The following RPAP1 variants were observed in gnomAD, a reference collection of about 807,000 sequenced individuals.
RPAP1 encodes the protein RNA polymerase II-associated protein 1.
In RPAP1, 109 loss-of-function variants were observed where a neutral mutation model predicts 142.4. That is an observed-to-expected ratio of 0.77 (90% CI 0.66 to 0.90). The LOEUF (loss-of-function observed/expected upper bound fraction) is 0.90. RPAP1 is among the 40% of genes least tolerant of loss of function. RPAP1 has a pLI of 0.00. For synonymous variants in RPAP1, 704 were observed against 738.9 expected (o/e 0.95, Z 0.77); for missense variants, 1,546 against 1,751.7 (o/e 0.88, Z 2.10).
At position 41,534,874 on chromosome 15, in the gene RPAP1, G is replaced by T. The variant is rs746013280; in HGVS notation, c.603C>A (p.Ser201Arg). The T allele has an allele frequency of 1.2e-6, 2 of 1,614,110 alleles. No individual in the cohort carries two copies. Among genetic ancestry groups the T allele is most frequent in the African/African-American group, 2.7e-5 (2 of 74,940 alleles). ...CCAGATTGGGTCCCTGAAAGCTGTG[G>T]CTGCTCCCAGGAAGCTGGCAGCCCT... ...RNQGCQLPGS[S>R]HSFQGPNLVT... Residue 201 changes from serine to arginine, a missense_variant, in exon 6 of 25, where the codon AGC becomes AGA. This residue lies in a region of RPAP1 where 1,333 missense variants were observed against 1,486.6 expected (regional missense o/e 0.90). Coordinates refer to ENST00000304330, the MANE Select transcript of RPAP1 (RefSeq NM_015540.4).
chr15:41,520,247 TTTCATTGA>T (rs1351158056), intron 22 of RPAP1, 136 bp downstream of exon 22: 1 of 906,000 alleles, frequency 1.1e-6, no homozygotes, highest in African/African-American at 1.7e-5. Context: ...GTTAAGCCCT[TTTCATTGA>T]TTCTCTTAAT....
chr15:41,534,850 C>T lies in RPAP1; in HGVS notation c.627G>A (p.Leu209=), dbSNP rs1367018884. The part of the protein sequence containing the change: ...GSSHSFQGPN[L]VTGKGLRDQE... Reference sequence around the variant, plus strand: ...GATCCCTGAGCCCCTTCCCTGTGACCAGATTGGGTCCCTGAAAGCTGTGGC... The same window carrying T: ...GATCCCTGAGCCCCTTCCCTGTGACTAGATTGGGTCCCTGAAAGCTGTGGC... Residue 209 remains leucine, a synonymous_variant, in exon 6 of 25, where the codon CTG becomes CTA. Transcript: ENST00000304330. 1 of 1,614,052 alleles carries T rather than the reference C, an allele frequency of 6.2e-7. No homozygotes were observed. Among genetic ancestry groups the T allele is most frequent in the African/African-American group, 1.3e-5 (1 of 74,906 alleles).
rs370486574 is a variant in RPAP1, at chr15:41,537,175, C to T, written c.-50G>A. The stretch of plus-strand genomic sequence containing the variant: ...GTACGACTCTCTCCAGCAGTGTCTC[C>T]GTGTGGGGGTTCCCTCTTATTCATC... On this transcript the variant is annotated 5_prime_UTR_variant, in exon 2 of 25. Coordinates refer to ENST00000304330, the MANE Select transcript of RPAP1 (RefSeq NM_015540.4). 9.2e-5 allele frequency: 143 copies of T among 1,559,804 alleles called. No individual in the cohort carries two copies. Among genetic ancestry groups the T allele is most frequent in the Admixed American group, 1.2e-4 (6 of 51,664 alleles).
chr15:41,535,567 A>T lies in RPAP1; in HGVS notation c.486T>A (p.Ala162=). 4 of 1,614,096 alleles carry T rather than the reference A, an allele frequency of 2.5e-6. No individual in the cohort carries two copies. Among genetic ancestry groups the T allele is most frequent in the Middle Eastern group, 1.7e-4 (1 of 6,056 alleles). Residue 162 remains alanine (A), a synonymous_variant, in exon 5 of 25, where the codon GCT becomes GCA. Transcript: ENST00000304330. Reference sequence around the variant, plus strand: ...CCCCAACTGATGGGCCCTTGGCTTCAGCTATCCTCCTTGCCGCAATTTCCT... The same window carrying T: ...CCCCAACTGATGGGCCCTTGGCTTCTGCTATCCTCCTTGCCGCAATTTCCT... ...FAQEIAARRI[A]EAKGPSVGEV... is the part of the protein sequence containing the mutation.
chr15:41,521,339 T>C (rs2051724495), intron 21 of RPAP1, among the ~76,000 whole-genome samples, 192 bp from the exon 22 acceptor site: 1 of 152,264 alleles, frequency 6.6e-6, no homozygotes, highest in Admixed American at 6.5e-5. Context: ...GGCATGAGTT[T>C]ACATAACTTC....
chr15:41,530,936 C>G, intron 7 of RPAP1, 87 bp downstream of exon 7: 4 of 1,290,964 alleles, frequency 3.1e-6, no homozygotes, highest in South Asian at 1.4e-5. Context: ...ACAGAAGCTT[C>G]TCTCTTCTCT....
intron 18 of RPAP1, 69 bp from the exon 19 acceptor site, chr15:41,523,029 G>A: frequency 7.4e-7 from 1 of 1,350,864 alleles, no homozygotes; most frequent in South Asian, 1.6e-5. Flanking sequence ...AGAGCTTCTG[G>A]GTCTGTACCT....
At chr15:41,522,272 C>A in intron 19 of RPAP1, 22 bp from the exon 20 acceptor site, 1 of 1,609,612 alleles carries the variant, frequency 6.2e-7, no homozygotes, top group South Asian at 1.1e-5. Context: ...CAATTTTGTT[C>A]AGATCTAGAA....
At chr15:41,524,519 G>A (rs1277551430) in intron 15 of RPAP1, among the ~76,000 whole-genome samples, 1 of 148,724 alleles carries the variant, frequency 6.7e-6, no homozygotes, top group African/African-American at 2.5e-5. Context: ...CCAGGCTGGA[G>A]TGCAGTGGAG....
intron 7 of RPAP1, 31 bp downstream of exon 7, chr15:41,530,992 C>T (rs770612026): frequency 6.3e-7 from 1 of 1,584,864 alleles, no homozygotes; most frequent in East Asian, 2.3e-5. Context: ...TACTTTTATC[C>T]ACCAAAATAT....
intron 12 of RPAP1, 27 bp downstream of exon 12, chr15:41,527,395 TG>T: frequency 6.2e-7 from 1 of 1,613,562 alleles, no homozygotes; most frequent in East Asian, 2.2e-5. Flanking sequence ...CCCTGGGCCA[TG>T]GGATGGGAAA....
rs758788750 is a variant in RPAP1 at position 41,517,586 on chromosome 15, T to G, written c.4138A>C (p.Arg1380=). Residue 1380 remains arginine, a synonymous_variant, in exon 25 of 25, where the codon AGA becomes CGA. Transcript: ENST00000304330. ...TTTTGGAGCACTGTTGAAGTCAGTC[T>G]CTGGAGGTAGTGCTGACGCAGAGGG... ...LPPLRQHYLQ[R]LTSTVLQNGV... 6.2e-7 allele frequency: 1 copy of G among 1,603,594 alleles called. No homozygotes were observed. Among genetic ancestry groups the G allele is most frequent in the East Asian group, 2.2e-5 (1 of 44,764 alleles).
At chr15:41,523,727 G>A in intron 17 of RPAP1, 44 bp downstream of exon 17, 1 of 1,514,296 alleles carries the variant, frequency 6.6e-7, no homozygotes, top group Non-Finnish European at 9.0e-7. Flanking sequence ...GTAGCTGAAG[G>A]CAGGGTGCGG....
At chr15:41,536,377 G>A in intron 3 of RPAP1, 124 bp downstream of exon 3, 1 of 1,394,798 alleles carries the variant, frequency 7.2e-7, no homozygotes, top group South Asian at 1.3e-5. Flanking sequence ...CCCCCAACCT[G>A]ACCTCAGGGG....
In RPAP1 at chr15:41,536,154, A is replaced by G. The variant is rs2051904482; in HGVS notation, c.395T>C (p.Val132Ala). The change falls in exon 4 of 25, where the codon GTG becomes GCG. Residue 132 changes from valine to alanine, a missense_variant. By Grantham distance (64) the Val-to-Ala change is moderately conservative (BLOSUM62 0). Coordinates refer to ENST00000304330, the MANE Select transcript of RPAP1 (RefSeq NM_015540.4). ...PVPSGVAFPAVFLRSRDTQGK... is the reference protein window; with the variant it reads ...PVPSGVAFPAAFLRSRDTQGK... ...CTGTGTGTCCCGCGAGCGAAGGAAC[A>G]CAGCAGGGAAAGCAACACCACTGGG... is the stretch of plus-strand genomic sequence containing the variant. 1 of 1,614,158 alleles carries G rather than the reference A, an allele frequency of 6.2e-7. No homozygotes were observed.
Position 41,522,747 on chromosome 15 carries a change from C to A in RPAP1, c.2742+18G>T. 7.7e-7 allele frequency: 1 copy of A among 1,296,338 alleles called. No homozygotes were observed. The highest frequency in any genetic ancestry group is 1.4e-5 in the South Asian group (1 of 73,124). 80.3% of individuals were successfully genotyped at this position (1,296,338 alleles called of 1,614,324 possible). A position where few individuals can be genotyped will look rare whatever the true frequency, so the allele number is the denominator to read the frequency against. ...CTTGGCCCCTTGCCTGGCCCCTAAT[C>A]AGGCACCCCACACTTACCTGGCCAC... On this transcript the variant is annotated intron_variant, in intron 19 of 24. Transcript: ENST00000304330.
intron 1 of RPAP1, among the ~76,000 whole-genome samples, chr15:41,541,363 C>T (rs1345944720): frequency 6.8e-6 from 1 of 146,654 alleles, no homozygotes; most frequent in Non-Finnish European, 1.5e-5. Flanking sequence ...GTGGAGGTTG[C>T]AGTGAGCCAA....
chr15:41,532,514 T>C (rs1566888373), intron 6 of RPAP1, among the ~76,000 whole-genome samples: 1 of 152,054 alleles, frequency 6.6e-6, no homozygotes, highest in African/African-American at 2.4e-5. Context: ...GGTAACAAGA[T>C]TGACTGAGTG....
At chr15:41,523,661 TA>T in intron 17 of RPAP1, 109 bp downstream of exon 17, 1 of 940,784 alleles carries the variant, frequency 1.1e-6, no homozygotes, top group South Asian at 1.5e-5. Context: ...GGGAAGATAG[TA>T]AATGGGGAAG....
Sources: allele counts gnomAD v4.1 joint callset (sites outside exome capture counted in the v4.1 genomes callset), GRCh38; gene constraint gnomAD v4.1.1; regional missense constraint gnomAD v4.1.1; transcripts MANE v1.5; gene names NCBI Gene and HGNC (gene_info 2026-07-23, HGNC 2026-07-21).